The following CNTN5 variants were observed in gnomAD, a reference collection of about 807,000 sequenced individuals.
CNTN5 encodes contactin 5.
In CNTN5, 77 loss-of-function variants were observed where a neutral mutation model predicts 129.1. The observed-to-expected ratio is 0.60, with a 90% CI of 0.50 to 0.72. The LOEUF (loss-of-function observed/expected upper bound fraction) is 0.72. Among genes scored for constraint, CNTN5 ranks in the 30% least tolerant of loss-of-function variants. CNTN5 has a pLI of 0.00. For synonymous variants in CNTN5, 509 were observed against 465.6 expected (o/e 1.09, Z -1.20); for missense variants, 1,478 against 1,328.8 (o/e 1.11, Z -1.75).
intron 12 of CNTN5, 136 bp downstream of exon 12, chr11:100,071,970 C>A (rs1943940166): frequency 2.4e-6 from 2 of 821,582 alleles, no homozygotes; most frequent in Non-Finnish European, 3.6e-6. Context: ...CTATGTCTTG[C>A]TGATTTTTTT....
At chr11:99,818,609 A>ATATGT (rs1208843744) in intron 3 of CNTN5, among the ~76,000 whole-genome samples, 3 of 152,214 alleles carry the variant, frequency 2.0e-5, no homozygotes, top group Non-Finnish European at 2.9e-5. Context: ...TGTCCAGCTT[A>ATATGT]ATTGATACTG....
In CNTN5 at chr11:99,819,719, T is replaced by A. The variant is rs12222337; in HGVS notation, c.231T>A (p.Tyr77Ter). 1,573 of 1,546,228 alleles carry A rather than the reference T, an allele frequency of 1.0e-3. No individual in the cohort carries two copies. In the African/African-American group the frequency reaches 0.02, roughly 19 times the overall value. Residue 77 changes from tyrosine (Y) to a stop codon, truncating the protein, a stop_gained, in exon 4 of 25, where the codon TAT (tyrosine) becomes TAA (stop). Transcript: ENST00000524871. LOFTEE classifies it high-confidence loss of function. Reference protein sequence around the residue: ...PSWLGAAQNYYSPINLYHSSD... With the variant: ...PSWLGAAQNY The stretch of plus-strand genomic sequence containing the variant: ...GGCTAGGGGCAGCTCAGAATTATTA[T>A]TCCCCCATCAATCTTTATCATTCCT...
intron 6 of CNTN5, among the ~76,000 whole-genome samples, chr11:99,899,605 T>C (rs1049712168): frequency 1.2e-4 from 19 of 152,074 alleles, no homozygotes; most frequent in African/African-American, 2.2e-4. Flanking sequence ...ATCTTTATGA[T>C]GTATTGTTGG....
intron 18 of CNTN5, among the ~76,000 whole-genome samples, chr11:100,278,296 T>A (rs990547548): frequency 1.3e-5 from 2 of 152,064 alleles, no homozygotes; most frequent in African/African-American, 4.8e-5. Context: ...CTATTCTAGC[T>A]CTTTTGTGAT....
intron 7 of CNTN5, among the ~76,000 whole-genome samples, chr11:99,946,084 T>G (rs1211839386): frequency 6.6e-6 from 1 of 152,158 alleles, no homozygotes; most frequent in Non-Finnish European, 1.5e-5. Context: ...CACCAATCAG[T>G]ATCTCTCGAT....
intron 1 of CNTN5, among the ~76,000 whole-genome samples, chr11:99,044,488 T>C (rs1864125677): frequency 6.6e-6 from 1 of 152,094 alleles, no homozygotes; most frequent in Admixed American, 6.5e-5. Context: ...CCAAGCTCCA[T>C]TCACCTCTTC....
chr11:99,587,400 AG>A lies in CNTN5; in HGVS notation c.55+31133del, dbSNP rs1949831549. On this transcript the variant is annotated intron_variant, in intron 3 of 24. Transcript: ENST00000524871. ...CTTAAAGACACAGTGTCTCCCATAA[AG>A]GAGCGACAAATTCAATAGCAGGTAT... is the stretch of plus-strand genomic sequence containing the variant. Among the ~76,000 whole-genome samples, 4 of 152,338 alleles carry A rather than the reference AG, an allele frequency of 2.6e-5. No individual in the cohort carries two copies. The South Asian group carries it at 6.2e-4, about 24-fold the overall frequency.
chr11:99,166,796 G>T (rs1860896028), intron 1 of CNTN5, among the ~76,000 whole-genome samples: 1 of 145,244 alleles, frequency 6.9e-6, no homozygotes. Flanking sequence ...ATTTCACTGT[G>T]GTCATGGTGA....
chr11:99,819,319 C>CCTGTTCTCCG (rs1565566937), intron 3 of CNTN5, among the ~76,000 whole-genome samples: 1 of 53,454 alleles, frequency 1.9e-5, no homozygotes, highest in Non-Finnish European at 3.7e-5. Context: ...CCTCTCCTCC[C>CCTGTTCTCCG]CTCCCCTCCC....
chr11:99,342,518 TGAGTCCA>T (rs147772835), intron 2 of CNTN5, among the ~76,000 whole-genome samples: 3,128 of 139,326 alleles, frequency 0.022, 124 homozygotes, highest in African/African-American at 0.082. Context: ...GTGGATCACT[TGAGTCCA>T]GGAGTTCAAA....
intron 6 of CNTN5, among the ~76,000 whole-genome samples, chr11:99,902,297 A>C (rs1369570710): frequency 6.6e-6 from 1 of 150,856 alleles, no homozygotes; most frequent in Non-Finnish European, 1.5e-5. Context: ...AAAGAATAAC[A>C]CTTCATCACA....
intron 18 of CNTN5, among the ~76,000 whole-genome samples, chr11:100,278,854 G>C (rs1950571484): frequency 6.6e-6 from 1 of 151,830 alleles, no homozygotes; most frequent in East Asian, 1.9e-4. Flanking sequence ...GAAAAATAGT[G>C]GTGAAACTGG....
rs185429350 is a variant in CNTN5 at position 99,407,224 on chromosome 11, A to G, written c.-71+81740A>G. 1.5e-3 allele frequency among the ~76,000 whole-genome samples: 228 copies of G among 152,054 alleles called. 3 individuals are homozygous for G. The South Asian group carries it at 0.018, about 12-fold the overall frequency. Reference sequence around the variant, plus strand: ...AAGCCCTAAACATAGTTATCTGGGTATTACTGCTGGTTATTCAGGGCCCAA... The same window carrying G: ...AAGCCCTAAACATAGTTATCTGGGTGTTACTGCTGGTTATTCAGGGCCCAA... On this transcript the variant is annotated intron_variant, in intron 2 of 24. Transcript: ENST00000524871.
intron 1 of CNTN5, among the ~76,000 whole-genome samples, chr11:99,107,444 A>AT (rs1372086268): frequency 6.6e-6 from 1 of 152,150 alleles, no homozygotes; most frequent in Non-Finnish European, 1.5e-5. Context: ...AAGATTTTAC[A>AT]TTACATATTT....
intron 13 of CNTN5, among the ~76,000 whole-genome samples, chr11:100,187,474 C>A (rs530535333): frequency 6.6e-6 from 1 of 151,310 alleles, no homozygotes; most frequent in East Asian, 2.0e-4. Context: ...ATAAAATAGA[C>A]CAAATAACCA....
intron 3 of CNTN5, among the ~76,000 whole-genome samples, chr11:99,758,644 A>G (rs1054534019): frequency 6.6e-6 from 1 of 152,066 alleles, no homozygotes; most frequent in African/African-American, 2.4e-5. Context: ...GAATACTTAG[A>G]TTAAAAGAGA....
chr11:100,339,179 G>A (rs985195924), intron 21 of CNTN5, among the ~76,000 whole-genome samples: 6 of 152,006 alleles, frequency 3.9e-5, no homozygotes, highest in African/African-American at 1.5e-4. Context: ...TCATCACATG[G>A]GGCAACTACC....
chr11:100,094,887 A>G (rs996867898), intron 13 of CNTN5, among the ~76,000 whole-genome samples: 4 of 152,128 alleles, frequency 2.6e-5, no homozygotes, highest in African/African-American at 9.6e-5. Flanking sequence ...ACATCTTTTT[A>G]TGAGAATTTG....
chr11:100,085,902 G>A (rs1046879815), intron 13 of CNTN5, among the ~76,000 whole-genome samples: 1 of 152,064 alleles, frequency 6.6e-6, no homozygotes, highest in Non-Finnish European at 1.5e-5. Flanking sequence ...TGGGGGAACT[G>A]CCATTGAAGT....
Sources: gnomAD v4.1 joint callset for allele counts (sites outside exome capture counted in the v4.1 genomes callset) on GRCh38, gnomAD v4.1.1 for gene constraint, MANE v1.5 for transcripts, NCBI Gene and HGNC (gene_info 2026-07-23, HGNC 2026-07-21) for gene names.